MUC17: variants seen among roughly 807,000 people sequenced by gnomAD.
MUC17 encodes the protein mucin-17.
In MUC17, 190 loss-of-function variants were observed where a neutral mutation model predicts 170.3. The ratio of observed to expected loss-of-function variants is 1.12; its 90% CI spans 0.99 to 1.26. The LOEUF is 1.26. MUC17 is among the 50% of genes most tolerant of loss of function. The probability of loss-of-function intolerance (pLI) is 0.00; values close to 1 mark genes in which losing one functional copy is unlikely to be tolerated. For synonymous variants in MUC17, 2,325 were observed against 2,002.5 expected (o/e 1.16, Z -4.30); for missense variants, 6,415 against 5,530.0 (o/e 1.16, Z -5.08).
chr7:101,039,944 C>T lies in MUC17; in HGVS notation c.8528C>T (p.Thr2843Ile), dbSNP rs570043043. ...TPVDTSTPVT[T>I]STKASSSPTT... Reference sequence around the variant, plus strand: ...GTTGACACCAGCACACCTGTGACCACTTCTACTAAAGCCAGTTCATCTCCT... The same window carrying T: ...GTTGACACCAGCACACCTGTGACCATTTCTACTAAAGCCAGTTCATCTCCT... Residue 2843 changes from threonine (T) to isoleucine (I), a missense_variant, in exon 3 of 13, where the codon ACT becomes ATT. Coordinates refer to ENST00000306151, the MANE Select transcript of MUC17 (RefSeq NM_001040105.2). 2 of 1,613,716 alleles carry T rather than the reference C, an allele frequency of 1.2e-6. No homozygotes were observed. Among genetic ancestry groups the T allele is most frequent in the Middle Eastern group, 3.3e-4 (2 of 6,062 alleles).
rs752999121 is a variant in MUC17 at position 101,043,754 on chromosome 7, T to G, written c.12338T>G (p.Val4113Gly). The G allele has an allele frequency of 6.2e-7, 1 of 1,613,892 alleles. No homozygotes were observed. The highest frequency in any genetic ancestry group is 1.7e-5 in the Admixed American group (1 of 59,982). ...TSFPTVTTTA[V>G]PTNTTIKSNP... is the part of the protein sequence containing the mutation. ...TTCCCCACGGTGACCACCACCGCTG[T>G]CCCCACGAATACTACAATTAAGAGC... The change falls in exon 3 of 13, where the codon GTC becomes GGC. Residue 4113 changes from valine (V) to glycine (G), a missense_variant. Transcript: ENST00000306151.
intron 3 of MUC17, among the ~76,000 whole-genome samples, chr7:101,047,467 C>T (rs971890206): frequency 1.3e-5 from 2 of 152,150 alleles, no homozygotes; most frequent in Admixed American, 6.5e-5. Context: ...ACTCACTTTG[C>T]GTATCTGTGA....
rs773071184 is a variant in MUC17, at chr7:101,038,125, G to T, written c.6709G>T (p.Ala2237Ser). Residue 2237 changes from alanine to serine, a missense_variant, in exon 3 of 13, where the codon GCT (alanine) becomes TCT (serine). Ala to Ser is a moderately conservative substitution (Grantham distance 99, BLOSUM62 1). Coordinates refer to ENST00000306151, the MANE Select transcript of MUC17 (RefSeq NM_001040105.2). ...VSTMPVVTSE[A>S]STLSATPVDT... ...CACCATGCCGGTAGTTACTTCTGAG[G>T]CTAGCACCCTTTCAGCAACTCCTGT... is the stretch of plus-strand genomic sequence containing the variant. 1 of 1,589,586 alleles carries T rather than the reference G, an allele frequency of 6.3e-7. No individual in the cohort carries two copies. Among genetic ancestry groups the T allele is most frequent in the Non-Finnish European group, 8.6e-7 (1 of 1,168,858 alleles).
intron 3 of MUC17, among the ~76,000 whole-genome samples, chr7:101,044,903 A>G (rs891150983): frequency 2.0e-5 from 3 of 152,164 alleles, no homozygotes; most frequent in African/African-American, 4.8e-5. Context: ...AGCACCCACT[A>G]TAGAAGCAAA....
chr7:101,040,528 A>T lies in MUC17; in HGVS notation c.9112A>T (p.Ile3038Phe). The T allele has an allele frequency of 6.2e-7, 1 of 1,610,880 alleles. No homozygotes were observed. Reference protein sequence around the residue: ...PTTAEGTGIPISTPSEGSTPL... With the variant: ...PTTAEGTGIPFSTPSEGSTPL... ...AACTGCTGAAGGTACCGGCATACCA[A>T]TCTCAACTCCTAGTGAAGGAAGTAC... The change falls in exon 3 of 13, where the codon ATC (isoleucine) becomes TTC (phenylalanine). Residue 3038 changes from isoleucine (I) to phenylalanine (F), a missense_variant. Coordinates refer to ENST00000306151, the MANE Select transcript of MUC17 (RefSeq NM_001040105.2).
rs1794988671 is a variant in MUC17, at chr7:101,053,344, AG to A, written c.13272del (p.Lys4424AsnfsTer49). The A allele has an allele frequency of 6.2e-7, 1 of 1,613,886 alleles. No homozygotes were observed. Among genetic ancestry groups the A allele is most frequent in the Admixed American group, 1.7e-5 (1 of 59,994 alleles). Reference protein sequence around the residue: ...FRSKREVKRQKYRLSQLYKWQ... With the variant: ...FRSKREVKRQXYRLSQLYKWQ... ...TCTGATGTTTCCATCACTAGGCAAA[AG>A]TACAGATTGTCTCAGTTATACAAGT... is the stretch of plus-strand genomic sequence containing the variant. On this transcript the variant is annotated frameshift_variant, in exon 11 of 13. Coordinates refer to ENST00000306151, the MANE Select transcript of MUC17 (RefSeq NM_001040105.2). LOFTEE classifies it high-confidence loss of function.
chr7:101,055,944 T>A (rs1189360787), intron 11 of MUC17, among the ~76,000 whole-genome samples: 1 of 152,158 alleles, frequency 6.6e-6, no homozygotes, highest in Non-Finnish European at 1.5e-5. Flanking sequence ...ATAGTGAAAG[T>A]GAGAAATTAG....
chr7:101,051,514 C>T (rs10238773), intron 7 of MUC17, 99 bp from the exon 8 acceptor site: 22 of 1,192,886 alleles, frequency 1.8e-5, no homozygotes, highest in African/African-American at 1.5e-4. Flanking sequence ...ACCTCCCCAT[C>T]GCAGCCCACC....
Position 101,041,821 on chromosome 7 carries a change from C to T in MUC17, c.10405C>T (p.Pro3469Ser), listed in dbSNP as rs549148111. Residue 3469 changes from proline to serine, a missense_variant, in exon 3 of 13, where the codon CCG becomes TCG. Transcript: ENST00000306151. ...ATCAATTATGCCTCTCAGTACCACG[C>T]CGGTGGCCAGTTCTGAGGCTAGCAC... ...PLSIMPLSTT[P>S]VASSEASTLS... 2 of 1,613,880 alleles carry T rather than the reference C, an allele frequency of 1.2e-6. No homozygotes were observed. Among genetic ancestry groups the T allele is most frequent in the East Asian group, 2.2e-5 (1 of 44,846 alleles).
intron 7 of MUC17, among the ~76,000 whole-genome samples, chr7:101,051,348 G>C (rs1385690853): frequency 8.3e-5 from 9 of 108,934 alleles, no homozygotes; most frequent in Non-Finnish European, 1.5e-4. Flanking sequence ...CTGGGTGACA[G>C]AGCAATACTC....
Position 101,042,964 on chromosome 7 carries a change from A to G in MUC17, c.11548A>G (p.Thr3850Ala), listed in dbSNP as rs1321050624. The G allele has an allele frequency of 1.2e-6, 2 of 1,614,108 alleles. No homozygotes were observed. The highest frequency in any genetic ancestry group is 1.1e-5 in the South Asian group (1 of 91,086). The part of the protein sequence containing the change: ...GDTSTPLLTS[T>A]KAGSFSIPAE... ...TACCAGCACACCTTTGCTCACCTCT[A>G]CCAAAGCCGGTTCATTCTCCATACC... Residue 3850 changes from threonine to alanine, a missense_variant, in exon 3 of 13, where the codon ACC (threonine) becomes GCC (alanine). Physicochemically the swap from Thr to Ala is moderately conservative, Grantham distance 58. Coordinates refer to ENST00000306151, the MANE Select transcript of MUC17 (RefSeq NM_001040105.2).
In MUC17 at chr7:101,041,327, C is replaced by G; in HGVS notation, c.9911C>G (p.Thr3304Ser). The change falls in exon 3 of 13, where the codon ACT becomes AGT. Residue 3304 changes from threonine (T) to serine (S), a missense_variant. Physicochemically the swap from Thr to Ser is moderately conservative, Grantham distance 58. Transcript: ENST00000306151. ...ASSETSTLSTTPADTSTPVTT... is the reference protein window; with the variant it reads ...ASSETSTLSTSPADTSTPVTT... ...TCTGAAACGAGCACCCTTTCAACAACTCCTGCTGACACCAGCACACCTGTG... is the reference window on the plus strand; with the variant it reads ...TCTGAAACGAGCACCCTTTCAACAAGTCCTGCTGACACCAGCACACCTGTG... 6.2e-7 allele frequency: 1 copy of G among 1,611,462 alleles called. No homozygotes were observed. The highest frequency in any genetic ancestry group is 2.2e-5 in the East Asian group (1 of 44,818).
At chr7:101,030,131 T>C (rs1173495824) in intron 1 of MUC17, among the ~76,000 whole-genome samples, 1 of 152,212 alleles carries the variant, frequency 6.6e-6, no homozygotes, top group African/African-American at 2.4e-5. Context: ...TTCTCTTAAA[T>C]GTTTTAACAG....
At chr7:101,049,025 G>A in intron 5 of MUC17, 53 bp downstream of exon 5, 1 of 1,612,376 alleles carries the variant, frequency 6.2e-7, no homozygotes, top group South Asian at 1.1e-5. Context: ...CCAGAGCAGA[G>A]TCTGTAGGGT....
intron 3 of MUC17, among the ~76,000 whole-genome samples, chr7:101,047,701 C>T (rs937459383): frequency 2.6e-5 from 4 of 152,024 alleles, no homozygotes; most frequent in Non-Finnish European, 5.9e-5. Flanking sequence ...TGTGGTGGCA[C>T]GCGCCTGTAA....
chr7:101,053,125 C>G lies in MUC17; in HGVS notation c.13243C>G (p.Arg4415Gly). Reference sequence around the variant, plus strand: ...GGTAGCTCTCCTGATGCTCGTTTTCCGCTCCAAGAGAGAGGTGAAACGGTG... The same window carrying G: ...GGTAGCTCTCCTGATGCTCGTTTTCGGCTCCAAGAGAGAGGTGAAACGGTG... ...ILVALLMLVF[R>G]SKREVKRQKY... is the part of the protein sequence containing the mutation. Residue 4415 changes from arginine to glycine, a missense_variant, in exon 10 of 13, where the codon CGC becomes GGC. Physicochemically the swap from Arg to Gly is moderately radical, Grantham distance 125. Transcript: ENST00000306151. 1 of 1,613,890 alleles carries G rather than the reference C, an allele frequency of 6.2e-7. No individual in the cohort carries two copies. Among genetic ancestry groups the G allele is most frequent in the Non-Finnish European group, 8.5e-7 (1 of 1,179,926 alleles).
chr7:101,042,684 C>T lies in MUC17; in HGVS notation c.11268C>T (p.Thr3756=). Residue 3756 remains threonine (T), a synonymous_variant, in exon 3 of 13, where the codon ACC becomes ACT. Coordinates refer to ENST00000306151, the MANE Select transcript of MUC17 (RefSeq NM_001040105.2). ...CCATGGAAATAAGCACCCTTGGGAC[C>T]ACTATTCTTGTCAGTACCACACCTG... ...SMPMEISTLG[T]TILVSTTPVT... is the part of the protein sequence containing the mutation. 6 of 1,613,790 alleles carry T rather than the reference C, an allele frequency of 3.7e-6. No individual in the cohort carries two copies. The highest frequency in any genetic ancestry group is 5.1e-6 in the Non-Finnish European group (6 of 1,180,020).
At chr7:101,026,230 T>G (rs1017187454) in intron 1 of MUC17, among the ~76,000 whole-genome samples, 1 of 152,200 alleles carries the variant, frequency 6.6e-6, no homozygotes, top group Non-Finnish European at 1.5e-5. Context: ...TGGCCTCCTA[T>G]ATCTGCCTGG....
rs745784199 is a variant in MUC17 at position 101,037,313 on chromosome 7, C to T, written c.5897C>T (p.Ser1966Phe). ...ACCACTTATTCTCAAGCCAGTTCAT[C>T]TCCTACAACTGCTGATGGTACCAGC... ...PVTTYSQASS[S>F]PTTADGTSMP... The change falls in exon 3 of 13, where the codon TCT (serine) becomes TTT (phenylalanine). Residue 1966 changes from serine (S) to phenylalanine (F), a missense_variant. Ser to Phe is a radical substitution (Grantham distance 155, BLOSUM62 -2). Transcript: ENST00000306151. 3.7e-6 allele frequency: 6 copies of T among 1,613,922 alleles called. No individual in the cohort carries two copies. The East Asian group carries it at 1.3e-4, about 36-fold the overall frequency.
Sources: allele counts gnomAD v4.1 joint callset (sites outside exome capture counted in the v4.1 genomes callset), GRCh38; gene constraint gnomAD v4.1.1; transcripts MANE v1.5; gene names NCBI Gene and HGNC (gene_info 2026-07-23, HGNC 2026-07-21).